The following DIAPH3 variants were observed in gnomAD, a reference collection of about 807,000 sequenced individuals.
DIAPH3 encodes the protein protein diaphanous homolog 3.
Under a neutral mutation model 144.3 loss-of-function variants are expected in DIAPH3, and 117 were observed. That is an observed-to-expected ratio of 0.81 (90% CI 0.70 to 0.95). The LOEUF is 0.95. Among genes scored for constraint, DIAPH3 ranks in the 40% least tolerant of loss-of-function variants. The pLI is 0.00. For synonymous variants in DIAPH3, 519 were observed against 488.9 expected, an observed-to-expected ratio of 1.06 and a Z score of -0.81; for missense variants, 1,421 against 1,412.7, an observed-to-expected ratio of 1.01 and a Z score of -0.09.
chr13:60,053,059 T>A (rs189707900), intron 4 of DIAPH3, among the ~76,000 whole-genome samples: 26 of 151,392 alleles, frequency 1.7e-4, no homozygotes, highest in African/African-American at 5.8e-4. Context: ...AGAGACTATT[T>A]TTCAACACAA....
At chr13:60,021,244 CT>C (rs2053997243) in intron 5 of DIAPH3, among the ~76,000 whole-genome samples, 2 of 152,286 alleles carry the variant, frequency 1.3e-5, no homozygotes, top group South Asian at 4.1e-4. Flanking sequence ...GAAAATTACC[CT>C]AGTTTATCCA....
At chr13:59,860,851 G>A (rs1387399071) in intron 22 of DIAPH3, among the ~76,000 whole-genome samples, 1 of 152,168 alleles carries the variant, frequency 6.6e-6, no homozygotes, top group African/African-American at 2.4e-5. Context: ...TCCGTTCTAT[G>A]ACCCTTTATG....
At chr13:60,079,331 C>T (rs935450430) in intron 4 of DIAPH3, among the ~76,000 whole-genome samples, 10 of 151,968 alleles carry the variant, frequency 6.6e-5, no homozygotes, top group African/African-American at 2.2e-4. Context: ...ACATCTACTT[C>T]CATAAATTGA....
chr13:60,159,305 G>A lies in DIAPH3; in HGVS notation c.180+4282C>T, dbSNP rs544137731. Among the ~76,000 whole-genome samples, 4 of 152,250 alleles carry A rather than the reference G, an allele frequency of 2.6e-5. No individual in the cohort carries two copies. In the East Asian group the frequency reaches 7.7e-4, roughly 29 times the overall value. Reference sequence around the variant, plus strand: ...AAGATTAAAGTTCCCAACAGCTATGGGAGAGAATTCAGGACAGTGATTAAG... The same window carrying A: ...AAGATTAAAGTTCCCAACAGCTATGAGAGAGAATTCAGGACAGTGATTAAG... On this transcript the variant is annotated intron_variant, in intron 1 of 27. Transcript: ENST00000400324.
chr13:59,703,409 T>C (rs1476552465), intron 27 of DIAPH3, among the ~76,000 whole-genome samples: 11 of 152,262 alleles, frequency 7.2e-5, no homozygotes, highest in Admixed American at 7.2e-4. Context: ...CTTTTTGTTG[T>C]ATTGCATGTC....
At chr13:59,977,246 T>C (rs2050730521) in intron 14 of DIAPH3, among the ~76,000 whole-genome samples, 1 of 151,642 alleles carries the variant, frequency 6.6e-6, no homozygotes, top group African/African-American at 2.4e-5. Flanking sequence ...AGAGAGAGAC[T>C]GAAAGCTGGG....
At chr13:60,011,405 C>T (rs2053255558) in intron 7 of DIAPH3, among the ~76,000 whole-genome samples, 1 of 152,168 alleles carries the variant, frequency 6.6e-6, no homozygotes, top group African/African-American at 2.4e-5. Context: ...CAGATCAACA[C>T]TGTCCAAGAG....
intron 9 of DIAPH3, among the ~76,000 whole-genome samples, chr13:59,998,269 A>G (rs1485983722): frequency 6.6e-6 from 1 of 152,120 alleles, no homozygotes; most frequent in Non-Finnish European, 1.5e-5. Context: ...ATTTATTTGA[A>G]AACTCCCCCA....
In DIAPH3 at chr13:59,992,858, A is replaced by C. The variant is rs928161473; in HGVS notation, c.1015-275T>G. ...CCATAAAAAAATAGAAAAAAAAAAA[A>C]AAAAACACTTGTAACCAAAAGCTAA... On this transcript the variant is annotated intron_variant, in intron 9 of 27. Transcript: ENST00000400324. Among the ~76,000 whole-genome samples the C allele has an allele frequency of 8.8e-4, 134 of 151,714 alleles. 1 individual carries two copies. Among genetic ancestry groups the C allele is most frequent in the Middle Eastern group, 3.4e-3 (1 of 294 alleles).
At chr13:59,804,080 C>A (rs1398704317) in intron 25 of DIAPH3, among the ~76,000 whole-genome samples, 2 of 152,192 alleles carry the variant, frequency 1.3e-5, no homozygotes, top group Non-Finnish European at 2.9e-5. Context: ...AAGTACTGAA[C>A]ACATTTCTAC....
intron 5 of DIAPH3, among the ~76,000 whole-genome samples, chr13:60,042,482 T>A (rs1183752350): frequency 6.6e-6 from 1 of 151,062 alleles, no homozygotes; most frequent in African/African-American, 2.4e-5. Context: ...GGCAAAAGGC[T>A]TTTTTACAGT....
At chr13:60,017,774 G>A (rs543815201) in intron 5 of DIAPH3, among the ~76,000 whole-genome samples, 3 of 152,234 alleles carry the variant, frequency 2.0e-5, no homozygotes, top group Admixed American at 2.0e-4. Context: ...CACTTAAACA[G>A]GAAAGATACT....
chr13:60,039,772 A>G (rs1964076), intron 5 of DIAPH3, among the ~76,000 whole-genome samples: 10,661 of 152,258 alleles, frequency 0.07, 415 homozygotes, highest in Admixed American at 0.11. Context: ...GAAAAATTAG[A>G]AATTCTTTTT....
chr13:59,702,559 G>C (rs565503152), intron 27 of DIAPH3, among the ~76,000 whole-genome samples: 1 of 152,162 alleles, frequency 6.6e-6, no homozygotes, highest in Admixed American at 6.5e-5. Flanking sequence ...CACTTACAAA[G>C]GCATTACATG....
At chr13:60,090,198 C>A (rs557010450) in intron 4 of DIAPH3, among the ~76,000 whole-genome samples, 1 of 152,174 alleles carries the variant, frequency 6.6e-6, no homozygotes, top group East Asian at 1.9e-4. Flanking sequence ...GGATCACGTT[C>A]CCATGCCCTG....
chr13:60,063,734 C>T (rs150348989), intron 4 of DIAPH3, among the ~76,000 whole-genome samples: 1 of 152,254 alleles, frequency 6.6e-6, no homozygotes, highest in Non-Finnish European at 1.5e-5. Context: ...CGAGACCAGC[C>T]TGGCCAACAA....
chr13:59,991,852 A>G (rs1012433552), intron 11 of DIAPH3, among the ~76,000 whole-genome samples: 2 of 152,046 alleles, frequency 1.3e-5, no homozygotes, highest in African/African-American at 4.8e-5. Flanking sequence ...ATAAGAAACC[A>G]ATCTACAGAA....
intron 3 of DIAPH3, among the ~76,000 whole-genome samples, chr13:60,098,980 A>C (rs2058186737): frequency 6.6e-6 from 1 of 152,198 alleles, no homozygotes; most frequent in Admixed American, 6.5e-5. Context: ...AAATGGAAAA[A>C]TCTTATCAAC....
chr13:59,733,793 C>T (rs963838491), intron 27 of DIAPH3, among the ~76,000 whole-genome samples: 2 of 152,250 alleles, frequency 1.3e-5, no homozygotes, highest in African/African-American at 4.8e-5. Context: ...TCACCACAGT[C>T]ATCACTAAAT....
Sources: gnomAD v4.1 joint callset for allele counts (sites outside exome capture counted in the v4.1 genomes callset) on GRCh38, gnomAD v4.1.1 for gene constraint, MANE v1.5 for transcripts, NCBI Gene and HGNC (gene_info 2026-07-23, HGNC 2026-07-21) for gene names.